The following SERPINB7 variants were observed in gnomAD, a reference collection of about 807,000 sequenced individuals.
The protein encoded by SERPINB7 is serpin B7.
SERPINB7 carries 31 observed loss-of-function variants against 37.4 expected under a neutral mutation model. The ratio of observed to expected loss-of-function variants is 0.83; its 90% confidence interval spans 0.62 to 1.12. The LOEUF is 1.12. SERPINB7 is among the 50% of genes most tolerant of loss of function. The probability of loss-of-function intolerance (pLI) is 0.00; values close to 1 mark genes in which losing one functional copy is unlikely to be tolerated. For synonymous variants in SERPINB7, 163 were observed against 166.1 expected (o/e 0.98, Z 0.14); for missense variants, 521 against 455.3 (o/e 1.14, Z -1.31).
intron 2 of SERPINB7, among the ~76,000 whole-genome samples, chr18:63,790,345 G>T (rs555455826): frequency 6.2e-4 from 94 of 152,272 alleles, no homozygotes; most frequent in Non-Finnish European, 1.1e-3. Flanking sequence ...AAGCCACCAT[G>T]GTGAGGTTGA....
chr18:63,779,748 T>C (rs528649691), intron 1 of SERPINB7, among the ~76,000 whole-genome samples: 1 of 152,252 alleles, frequency 6.6e-6, no homozygotes, highest in Non-Finnish European at 1.5e-5. Context: ...TTCAATAAGA[T>C]TATAATTTCA....
chr18:63,753,396 TA>T (rs1258284104), intron 1 of SERPINB7, among the ~76,000 whole-genome samples: 3 of 152,098 alleles, frequency 2.0e-5, no homozygotes, highest in African/African-American at 7.2e-5. Flanking sequence ...CCAACATATT[TA>T]ATAGAGAAAA....
chr18:63,760,953 C>T (rs1049343225), intron 1 of SERPINB7, among the ~76,000 whole-genome samples: 5 of 152,218 alleles, frequency 3.3e-5, no homozygotes, highest in African/African-American at 1.2e-4. Context: ...GGGTTGAAGC[C>T]CCCACATAGA....
intron 1 of SERPINB7, among the ~76,000 whole-genome samples, chr18:63,755,184 G>T (rs566953497): frequency 2.0e-5 from 3 of 151,868 alleles, no homozygotes; most frequent in East Asian, 3.9e-4. Flanking sequence ...GATTACAGGC[G>T]TGAGCCACCG....
upstream of SERPINB7, among the ~76,000 whole-genome samples, chr18:63,773,642 A>G (rs1042230159): frequency 6.6e-6 from 1 of 152,138 alleles, no homozygotes; most frequent in Non-Finnish European, 1.5e-5. Context: ...AATGTAGGTT[A>G]TTACAGTTCA....
upstream of SERPINB7, among the ~76,000 whole-genome samples, chr18:63,774,715 C>A (rs1256221561): frequency 3.9e-5 from 6 of 152,014 alleles, no homozygotes; most frequent in Non-Finnish European, 7.4e-5. Context: ...GAGAGGCTGG[C>A]AGGATGACAA....
chr18:63,765,774 C>A (rs1171952224), intron 1 of SERPINB7, among the ~76,000 whole-genome samples: 1 of 152,168 alleles, frequency 6.6e-6, no homozygotes, highest in Non-Finnish European at 1.5e-5. Flanking sequence ...TGATTCCCAT[C>A]CTATTATTCT....
intron 2 of SERPINB7, among the ~76,000 whole-genome samples, chr18:63,786,741 T>C (rs1192865305): frequency 6.6e-6 from 1 of 152,190 alleles, no homozygotes; most frequent in Non-Finnish European, 1.5e-5. Context: ...AAATTCTGAT[T>C]TCCCTACATA....
In SERPINB7 at chr18:63,775,695, C is replaced by A. The variant is rs1441807910; in HGVS notation, c.-40C>A. 1 of 152,166 alleles carries A rather than the reference C, an allele frequency of 6.6e-6. No homozygotes were observed. Among genetic ancestry groups the A allele is most frequent in the African/African-American group, 2.4e-5 (1 of 41,438 alleles). The allele number at this position is 152,166 out of a possible 1,614,324, so 9.4% of individuals were successfully genotyped here. A position where few individuals can be genotyped will look rare whatever the true frequency, so the allele number is the denominator to read the frequency against. ...AAAGGAGACCAGATTCCCATCACTG[C>A]TTCTGGGTATCAGATGCTAGCGTGA... On this transcript the variant is annotated 5_prime_UTR_variant, in exon 1 of 8. Coordinates refer to ENST00000398019, the MANE Select transcript of SERPINB7 (RefSeq NM_003784.4).
chr18:63,786,164 CACCAG>C (rs2049369197), intron 2 of SERPINB7, among the ~76,000 whole-genome samples: 1 of 66,366 alleles, frequency 1.5e-5, no homozygotes, highest in African/African-American at 3.8e-5. Context: ...CACACACACA[CACCAG>C]CATGGCACAT....
chr18:63,792,512 C>G, intron 3 of SERPINB7, 69 bp downstream of exon 3: 1 of 1,064,330 alleles, frequency 9.4e-7, no homozygotes, highest in Non-Finnish European at 1.4e-6. Flanking sequence ...CCTGTAATAC[C>G]AGAACTTTGG....
At chr18:63,782,855 C>T (rs539536543) in intron 2 of SERPINB7, among the ~76,000 whole-genome samples, 2 of 152,206 alleles carry the variant, frequency 1.3e-5, no homozygotes, top group African/African-American at 2.4e-5. Flanking sequence ...AATGCAAATG[C>T]TGGCCGGGCG....
In SERPINB7 at chr18:63,757,269, C is replaced by G. The variant is rs2049127645; in HGVS notation, c.-19+4149C>G. Among the ~76,000 whole-genome samples the G allele has an allele frequency of 2.6e-5, 4 of 152,288 alleles. No homozygotes were observed. In the Middle Eastern group the frequency reaches 0.01, roughly 388 times the overall value. On this transcript the variant is annotated intron_variant, in intron 1 of 7. Coordinates refer to the SERPINB7 transcript ENST00000336429. ...AGCCAAAAAATGGTGTGTAAATCCT[C>G]TCTCATCCATTATAACATGTATAGC...
intron 2 of SERPINB7, among the ~76,000 whole-genome samples, chr18:63,788,497 TTATAAAG>T (rs1353886040): frequency 6.6e-6 from 1 of 152,192 alleles, no homozygotes; most frequent in African/African-American, 2.4e-5. Flanking sequence ...AATAAGAAGT[TTATAAAG>T]TAAAAAAGTT....
At position 63,791,817 on chromosome 18, in the gene SERPINB7, A is replaced by G. The variant is rs996723278; in HGVS notation, c.169-576A>G. Among the ~76,000 whole-genome samples, 5 of 152,128 alleles carry G rather than the reference A, an allele frequency of 3.3e-5. No individual in the cohort carries two copies. The South Asian group carries it at 6.3e-4, about 19-fold the overall frequency. ...AGTAGAGACGGGTTTTCACCGTGTT[A>G]GCCAGGATGGTCTCGATCTCCTGAC... On this transcript the variant is annotated intron_variant, in intron 2 of 7. Coordinates refer to ENST00000398019, the MANE Select transcript of SERPINB7 (RefSeq NM_003784.4).
Position 63,804,463 on chromosome 18 carries a change from A to C in SERPINB7, c.971A>C (p.Lys324Thr). The C allele has an allele frequency of 1.2e-6, 2 of 1,613,776 alleles. No homozygotes were observed. The highest frequency in any genetic ancestry group is 1.7e-6 in the Non-Finnish European group (2 of 1,179,864). Residue 324 changes from lysine (K) to threonine (T), a missense_variant, in exon 8 of 8, where the codon AAA (lysine) becomes ACA (threonine). Physicochemically the swap from Lys to Thr is moderately conservative, Grantham distance 78 (BLOSUM62 -1). Coordinates refer to ENST00000398019, the MANE Select transcript of SERPINB7 (RefSeq NM_003784.4). ...CTGTATATATCAAGGATGATGCACAAATCTTACATAGAGGTCACTGAGGAG... is the reference window on the plus strand; with the variant it reads ...CTGTATATATCAAGGATGATGCACACATCTTACATAGAGGTCACTGAGGAG... ...GRLYISRMMH[K>T]SYIEVTEEGT...
At chr18:63,783,210 GA>G (rs2049323220) in intron 2 of SERPINB7, among the ~76,000 whole-genome samples, 1 of 98,522 alleles carries the variant, frequency 1.0e-5, no homozygotes, top group Non-Finnish European at 2.0e-5. Flanking sequence ...GAGAGAGAGA[GA>G]GAGAGAGAGA....
intron 1 of SERPINB7, among the ~76,000 whole-genome samples, chr18:63,779,669 CT>C (rs2049282891): frequency 6.6e-6 from 1 of 151,676 alleles, no homozygotes; most frequent in South Asian, 2.1e-4. Flanking sequence ...TGCCATAAAA[CT>C]TACCTAAGCT....
intron 1 of SERPINB7, among the ~76,000 whole-genome samples, chr18:63,757,575 T>G (rs2049129172): frequency 6.6e-6 from 1 of 152,206 alleles, no homozygotes; most frequent in Non-Finnish European, 1.5e-5. Flanking sequence ...TAAATAAAAT[T>G]TTATTGAAAC....
Sources: allele counts gnomAD v4.1 joint callset (sites outside exome capture counted in the v4.1 genomes callset), GRCh38; gene constraint gnomAD v4.1.1; transcripts MANE v1.5; gene names NCBI Gene and HGNC (gene_info 2026-07-23, HGNC 2026-07-21).